The following OR9Q1 variants were observed in gnomAD, a reference collection of about 807,000 sequenced individuals.
OR9Q1 encodes olfactory receptor family 9 subfamily Q member 1.
For missense variants in OR9Q1, 374 were observed against 378.8 expected (o/e 0.99, Z 0.11); for synonymous variants, 153 against 148.6 (o/e 1.03, Z -0.22).
intron 2 of OR9Q1, among the ~76,000 whole-genome samples, chr11:58,102,442 T>G (rs1590590887): frequency 1.3e-5 from 2 of 152,320 alleles, no homozygotes; most frequent in Middle Eastern, 6.8e-3. Context: ...AAGTATCTCT[T>G]GTAAGGCCAG....
chr11:58,161,486 T>A (rs1854457157), intron 2 of OR9Q1, among the ~76,000 whole-genome samples: 1 of 152,064 alleles, frequency 6.6e-6, no homozygotes, highest in Non-Finnish European at 1.5e-5. Context: ...GTGGCTTGGC[T>A]TCTGGATACA....
At chr11:58,031,285 TG>T (rs1853032038) in intron 1 of OR9Q1, 3 of 1,614,120 alleles carry the variant, frequency 1.9e-6, no homozygotes. Context: ...TCACCTTTCT[TG>T]GGGCAACTGA....
intron 2 of OR9Q1, among the ~76,000 whole-genome samples, chr11:58,134,364 C>T (rs1411369341): frequency 6.6e-6 from 1 of 152,208 alleles, no homozygotes; most frequent in Non-Finnish European, 1.5e-5. Context: ...GAGACCTAGG[C>T]TCTAGTCATC....
intron 1 of OR9Q1, chr11:58,041,649 G>C (rs552699922): frequency 9.2e-5 from 14 of 152,448 alleles, no homozygotes; most frequent in African/African-American, 3.4e-4. Context: ...TGGGCCACTG[G>C]TTGTCAGAGC....
intron 2 of OR9Q1, among the ~76,000 whole-genome samples, chr11:58,136,387 T>C (rs1854189268): frequency 6.6e-6 from 1 of 152,184 alleles, no homozygotes; most frequent in African/African-American, 2.4e-5. Context: ...TTGTAGGTTT[T>C]CAAAACAGGA....
chr11:58,030,936 A>T, intron 1 of OR9Q1: 1 of 1,510,866 alleles, frequency 6.6e-7, no homozygotes, highest in Non-Finnish European at 9.2e-7. Context: ...GAGTTTGCTG[A>T]GCTCTCACTG....
At chr11:58,137,428 T>C (rs1381689422) in intron 2 of OR9Q1, among the ~76,000 whole-genome samples, 1 of 152,088 alleles carries the variant, frequency 6.6e-6, no homozygotes, top group Non-Finnish European at 1.5e-5. Context: ...AGATAAGACA[T>C]GAAGAATAAA....
intron 1 of OR9Q1, among the ~76,000 whole-genome samples, chr11:58,043,732 A>G (rs969279865): frequency 4.6e-5 from 7 of 152,130 alleles, no homozygotes; most frequent in African/African-American, 1.2e-4. Context: ...CTCCCTGCCT[A>G]TTTGTTAGAA....
intron 2 of OR9Q1, among the ~76,000 whole-genome samples, chr11:58,075,201 A>G (rs921998650): frequency 6.6e-6 from 1 of 152,170 alleles, no homozygotes; most frequent in Non-Finnish European, 1.5e-5. Context: ...CTTGGGCAGT[A>G]TGGCCATTTT....
chr11:58,066,738 C>A (rs1212549717), intron 2 of OR9Q1, among the ~76,000 whole-genome samples: 1 of 152,166 alleles, frequency 6.6e-6, no homozygotes, highest in African/African-American at 2.4e-5. Flanking sequence ...GGTGACCCTG[C>A]ACCAGGGTCT....
At chr11:58,036,658 C>T (rs149924735) in intron 1 of OR9Q1, among the ~76,000 whole-genome samples, 2 of 152,158 alleles carry the variant, frequency 1.3e-5, no homozygotes, top group East Asian at 3.9e-4. Context: ...TGATTCCAAC[C>T]CTTATGGATG....
chr11:58,138,512 A>G (rs1854210371), intron 2 of OR9Q1, among the ~76,000 whole-genome samples: 1 of 152,242 alleles, frequency 6.6e-6, no homozygotes, highest in East Asian at 1.9e-4. Flanking sequence ...TTTACTCTGT[A>G]TTAAAAGTAC....
chr11:58,033,810 T>C (rs1330494858), intron 1 of OR9Q1, among the ~76,000 whole-genome samples: 2 of 152,060 alleles, frequency 1.3e-5, no homozygotes, highest in Admixed American at 1.3e-4. Flanking sequence ...GGAAGGGAGC[T>C]ATGGTCTGAA....
At chr11:58,072,943 A>G (rs2120023426) in intron 2 of OR9Q1, 1 of 169,758 alleles carries the variant, frequency 5.9e-6, no homozygotes, top group South Asian at 1.7e-4. Context: ...TGTATTAGAG[A>G]AAGTATTACC....
rs554392577 is a variant in OR9Q1 at position 58,037,689 on chromosome 11, ATTTTTTTTTTTTTTTTTTTTTTTTTTTT to A, written c.-93+13605_-93+13632del. On this transcript the variant is annotated intron_variant, in intron 1 of 2. Transcript: ENST00000335397. The stretch of plus-strand genomic sequence containing the variant: ...TATATATATATATATATATATATAT[ATTTTTTTTTTTTTTTTTTTTTTTTTTTT>A]TTTTTTTTTTTTTTTTTTTGAGACG... Among the ~76,000 whole-genome samples, 21 of 6,994 alleles carry A rather than the reference ATTTTTTTTTTTTTTTTTTTTTTTTTTTT, an allele frequency of 3.0e-3. 1 individual carries two copies. The highest frequency in any genetic ancestry group is 8.3e-3 in the African/African-American group (19 of 2,296). 4.6% of individuals were successfully genotyped at this position (6,994 alleles called of 152,430 possible).
intron 2 of OR9Q1, among the ~76,000 whole-genome samples, chr11:58,087,429 T>G (rs1853644551): frequency 6.6e-6 from 1 of 151,926 alleles, no homozygotes; most frequent in African/African-American, 2.4e-5. Flanking sequence ...GTTAGTGAGA[T>G]TCATTCAGAT....
intron 1 of OR9Q1, among the ~76,000 whole-genome samples, chr11:58,032,613 A>G (rs1853053363): frequency 6.6e-6 from 1 of 152,218 alleles, no homozygotes; most frequent in East Asian, 1.9e-4. Flanking sequence ...TTCAAAAATT[A>G]AGATGGATTA....
intron 2 of OR9Q1, among the ~76,000 whole-genome samples, chr11:58,081,772 T>C (rs1336403311): frequency 6.6e-6 from 1 of 150,806 alleles, no homozygotes; most frequent in African/African-American, 2.4e-5. Context: ...GTAGGTTGCC[T>C]GTTCACTCTG....
chr11:58,140,442 T>C (rs1053456913), intron 2 of OR9Q1, among the ~76,000 whole-genome samples: 3 of 152,080 alleles, frequency 2.0e-5, no homozygotes, highest in South Asian at 4.2e-4. Flanking sequence ...AGTCTTTAAT[T>C]CATCTTGAAT....
Sources: allele counts gnomAD v4.1 joint callset (sites outside exome capture counted in the v4.1 genomes callset), GRCh38; gene constraint gnomAD v4.1.1; transcripts MANE v1.5; gene names NCBI Gene and HGNC (gene_info 2026-07-23, HGNC 2026-07-21).